Variants in CWC27 observed in about 807,000 individuals in gnomAD.
CWC27 encodes the protein CWC27 spliceosome associated cyclophilin, also known as spliceosome-associated protein CWC27 homolog.
Under a neutral mutation model 63.6 loss-of-function variants are expected in CWC27, and 47 were observed. The ratio of observed to expected loss-of-function variants is 0.74; its 90% confidence interval spans 0.58 to 0.94. The LOEUF (loss-of-function observed/expected upper bound fraction) is 0.94, where lower values mean the gene tolerates loss of function less well. CWC27 is among the 40% of genes least tolerant of loss of function. The probability of loss-of-function intolerance (pLI) is 0.00; values close to 1 mark genes in which losing one functional copy is unlikely to be tolerated. For missense variants in CWC27, 495 were observed against 554.3 expected, an observed-to-expected ratio of 0.89 and a Z score of 1.07; for synonymous variants, 175 against 179.8, an observed-to-expected ratio of 0.97 and a Z score of 0.22.
At chr5:64,787,745 G>A (rs1001166421) in intron 6 of CWC27, among the ~76,000 whole-genome samples, 14 of 151,824 alleles carry the variant, frequency 9.2e-5, no homozygotes, top group African/African-American at 2.7e-4. Context: ...TTACTGAATC[G>A]TAGGATCCTT....
At chr5:64,987,343 T>C (rs567241298) in intron 13 of CWC27, among the ~76,000 whole-genome samples, 55 of 152,332 alleles carry the variant, frequency 3.6e-4, no homozygotes, top group African/African-American at 1.3e-3. Context: ...ATAGAATTCT[T>C]ACATGTATGT....
chr5:65,012,743 T>A (rs60531993), intron 13 of CWC27, among the ~76,000 whole-genome samples: 1,798 of 152,304 alleles, frequency 0.012, 46 homozygotes, highest in African/African-American at 0.041. Flanking sequence ...TTTGAGTAGT[T>A]TGTCATTAGG....
At chr5:64,784,055 T>C (rs2112166446) in intron 4 of CWC27, 76 bp downstream of exon 4, 1 of 1,256,354 alleles carries the variant, frequency 8.0e-7, no homozygotes, top group Non-Finnish European at 1.1e-6. Context: ...AAGATACATA[T>C]GATTAACTTA....
At chr5:64,815,179 GCTTT>G (rs1461753832) in intron 10 of CWC27, among the ~76,000 whole-genome samples, 2 of 152,058 alleles carry the variant, frequency 1.3e-5, no homozygotes, top group East Asian at 3.9e-4. Context: ...TTATTCAATT[GCTTT>G]CTTTATTAGT....
Position 64,901,318 on chromosome 5 carries a change from G to A in CWC27, c.1042+15772G>A, listed in dbSNP as rs144346887. 8.5e-3 allele frequency among the ~76,000 whole-genome samples: 1,293 copies of A among 152,106 alleles called. 19 individuals carry two copies. Among genetic ancestry groups the A allele is most frequent in the Middle Eastern group, 0.031 (9 of 294 alleles). On this transcript the variant is annotated intron_variant, in intron 11 of 13. Coordinates refer to ENST00000381070, the MANE Select transcript of CWC27 (RefSeq NM_005869.4). ...CTACTAAAAATACAAAAAATTAGCC[G>A]GGTGTGGTGGCAGGTGCCTGTAGTC...
chr5:64,963,103 C>T (rs556318964), intron 11 of CWC27, among the ~76,000 whole-genome samples: 139 of 151,848 alleles, frequency 9.2e-4, no homozygotes, highest in African/African-American at 3.1e-3. Context: ...TACAGGCGCC[C>T]GCCACCACCA....
intron 6 of CWC27, among the ~76,000 whole-genome samples, chr5:64,787,075 T>C (rs1218568056): frequency 6.6e-6 from 1 of 152,128 alleles, no homozygotes; most frequent in Non-Finnish European, 1.5e-5. Context: ...TTATGAGAAC[T>C]CACTCAGTAT....
intron 11 of CWC27, among the ~76,000 whole-genome samples, chr5:64,916,937 T>C (rs1363899848): frequency 6.7e-6 from 1 of 150,214 alleles, no homozygotes; most frequent in Non-Finnish European, 1.5e-5. Context: ...GTAGCAGTGG[T>C]AGTAGACGAC....
At chr5:64,983,469 C>A (rs147134457) in intron 13 of CWC27, among the ~76,000 whole-genome samples, 1 of 152,180 alleles carries the variant, frequency 6.6e-6, no homozygotes, top group Non-Finnish European at 1.5e-5. Context: ...ACACAGGGGT[C>A]CCCGAGTCAC....
At chr5:64,778,156 C>T (rs1316631313) in intron 2 of CWC27, among the ~76,000 whole-genome samples, 1 of 152,126 alleles carries the variant, frequency 6.6e-6, no homozygotes, top group African/African-American at 2.4e-5. Context: ...TAACATATAT[C>T]TGGGTTTTAT....
intron 11 of CWC27, among the ~76,000 whole-genome samples, chr5:64,960,757 G>T (rs1748891058): frequency 6.6e-6 from 1 of 151,592 alleles, no homozygotes; most frequent in Admixed American, 6.6e-5. Flanking sequence ...ATTAACAGTT[G>T]CTGTCACAGA....
chr5:64,930,216 A>G (rs896207909), intron 11 of CWC27, among the ~76,000 whole-genome samples: 1 of 152,192 alleles, frequency 6.6e-6, no homozygotes, highest in Non-Finnish European at 1.5e-5. Flanking sequence ...GGAATGCAGA[A>G]AAATGAGAAG....
chr5:64,776,949 T>C (rs920441565), intron 2 of CWC27, among the ~76,000 whole-genome samples: 1 of 152,196 alleles, frequency 6.6e-6, no homozygotes, highest in South Asian at 2.1e-4. Context: ...TTTTTGGTCT[T>C]TGCAGCATAG....
intron 13 of CWC27, among the ~76,000 whole-genome samples, chr5:64,984,632 T>C (rs1456658093): frequency 6.6e-6 from 1 of 152,264 alleles, no homozygotes; most frequent in Non-Finnish European, 1.5e-5. Context: ...GTCTTTTGCC[T>C]ATTTGGGAAT....
intron 11 of CWC27, among the ~76,000 whole-genome samples, chr5:64,885,834 A>G (rs1459506416): frequency 6.6e-6 from 1 of 151,876 alleles, no homozygotes; most frequent in Non-Finnish European, 1.5e-5. Context: ...GATTGTAACT[A>G]TTGTTCTTAA....
chr5:65,013,004 C>T (rs1749988960), intron 13 of CWC27, among the ~76,000 whole-genome samples: 2 of 152,146 alleles, frequency 1.3e-5, no homozygotes, highest in Non-Finnish European at 2.9e-5. Flanking sequence ...AACATGCAAC[C>T]TGCATCGGAT....
intron 10 of CWC27, among the ~76,000 whole-genome samples, chr5:64,806,172 T>G (rs1744661357): frequency 6.6e-6 from 1 of 152,148 alleles, no homozygotes; most frequent in African/African-American, 2.4e-5. Flanking sequence ...TGTAAACAAT[T>G]TTTCTCTTTT....
At chr5:64,801,462 A>G (rs1744483770) in intron 9 of CWC27, 130 bp downstream of exon 9, 1 of 754,128 alleles carries the variant, frequency 1.3e-6, no homozygotes, top group African/African-American at 1.9e-5. Flanking sequence ...CAAATTTTGG[A>G]AAAATATGAA....
At position 64,894,880 on chromosome 5, in the gene CWC27, G is replaced by A. The variant is rs1018213090; in HGVS notation, c.1042+9334G>A. 4.6e-5 allele frequency among the ~76,000 whole-genome samples: 7 copies of A among 152,328 alleles called. No individual in the cohort carries two copies. The East Asian group carries it at 1.4e-3, about 29-fold the overall frequency. On this transcript the variant is annotated intron_variant, in intron 11 of 13. Transcript: ENST00000381070. Reference sequence around the variant, plus strand: ...TAAAACTTAAGGTTTTCCCAAGGTAGCGAGGGTCTAACAAGACTATTCTGT... The same window carrying A: ...TAAAACTTAAGGTTTTCCCAAGGTAACGAGGGTCTAACAAGACTATTCTGT...
Sources: gnomAD v4.1 joint callset for allele counts (sites outside exome capture counted in the v4.1 genomes callset) on GRCh38, gnomAD v4.1.1 for gene constraint, MANE v1.5 for transcripts, NCBI Gene and HGNC (gene_info 2026-07-23, HGNC 2026-07-21) for gene names.